USP53: variants seen among roughly 807,000 people sequenced by gnomAD.
USP53 encodes ubiquitin specific peptidase 53.
USP53 carries 71 observed loss-of-function variants against 94.9 expected under a neutral mutation model. The observed-to-expected ratio is 0.75, with a 90% confidence interval of 0.62 to 0.91. The LOEUF (loss-of-function observed/expected upper bound fraction) is 0.91, where lower values mean the gene tolerates loss of function less well. USP53 is among the 40% of genes least tolerant of loss of function. The probability of loss-of-function intolerance (pLI) is 0.00; values close to 1 mark genes in which losing one functional copy is unlikely to be tolerated. For missense variants in USP53, 1,173 were observed against 1,281.0 expected, an observed-to-expected ratio of 0.92 and a Z score of 1.29; for synonymous variants, 375 against 422.7, an observed-to-expected ratio of 0.89 and a Z score of 1.39.
chr4:119,253,341 C>T (rs1003275412), intron 7 of USP53, among the ~76,000 whole-genome samples: 10 of 151,946 alleles, frequency 6.6e-5, no homozygotes, highest in Non-Finnish European at 1.3e-4. Context: ...ATTATTATTG[C>T]GTGGGAGTCT....
At chr4:119,283,525 G>A (rs976543924) in intron 17 of USP53, among the ~76,000 whole-genome samples, 6 of 151,924 alleles carry the variant, frequency 3.9e-5, no homozygotes, top group Admixed American at 3.3e-4. Context: ...AGAAAAATTA[G>A]TTAGATGATG....
chr4:119,291,156 C>A lies in USP53; in HGVS notation c.2252-9C>A. 2 of 1,306,134 alleles carry A rather than the reference C, an allele frequency of 1.5e-6. No individual in the cohort carries two copies. Among genetic ancestry groups the A allele is most frequent in the South Asian group, 1.5e-5 (1 of 64,786 alleles). The allele number at this position is 1,306,134 out of a possible 1,614,324, so 80.9% of individuals were successfully genotyped here. A position where few individuals can be genotyped will look rare whatever the true frequency, so the allele number is the denominator to read the frequency against. The stretch of plus-strand genomic sequence containing the variant: ...CCTCATCTCTTCTCCCCACCCCACC[C>A]AACCCTAGGCTTTAGAAAAGAACTC... On this transcript the variant is annotated splice_polypyrimidine_tract_variant and intron_variant, in intron 17 of 18. Coordinates refer to ENST00000692078, the MANE Select transcript of USP53 (RefSeq NM_001371395.1).
chr4:119,249,035 C>T (rs1451006476), intron 7 of USP53, among the ~76,000 whole-genome samples, 153 bp downstream of exon 7: 1 of 152,218 alleles, frequency 6.6e-6, no homozygotes, highest in African/African-American at 2.4e-5. Flanking sequence ...CTTCAAGCCT[C>T]AACTTCAATC....
intron 9 of USP53, among the ~76,000 whole-genome samples, chr4:119,256,907 G>T (rs1315545595): frequency 1.3e-5 from 2 of 152,086 alleles, no homozygotes; most frequent in Non-Finnish European, 1.5e-5. Flanking sequence ...TCCCTTTCTG[G>T]TGATAAAAGC....
rs1748588890 is a variant in USP53, at chr4:119,248,817, G to A, written c.307G>A (p.Ala103Thr). ...LPSDNIRHAL[A>T]ESFKDEQRFQ... ...CTCAGATAACATAAGGCATGCTCTT[G>A]CAGAAAGTTTCAAAGATGAGCAGCG... is the stretch of plus-strand genomic sequence containing the variant. The change falls in exon 7 of 19, where the codon GCA (alanine) becomes ACA (threonine). Residue 103 changes from alanine (A) to threonine (T), a missense_variant. Coordinates refer to ENST00000692078, the MANE Select transcript of USP53 (RefSeq NM_001371395.1). 1 of 1,614,108 alleles carries A rather than the reference G, an allele frequency of 6.2e-7. No homozygotes were observed. The highest frequency in any genetic ancestry group is 8.5e-7 in the Non-Finnish European group (1 of 1,180,014).
chr4:119,255,306 T>G (rs1402496115), intron 7 of USP53, among the ~76,000 whole-genome samples: 2 of 152,186 alleles, frequency 1.3e-5, no homozygotes, highest in Non-Finnish European at 2.9e-5. Context: ...GTCTGCTGCC[T>G]TTTGTTCAGA....
chr4:119,215,785 T>C (rs917110742), intron 2 of USP53, among the ~76,000 whole-genome samples: 9 of 152,068 alleles, frequency 5.9e-5, no homozygotes, highest in African/African-American at 2.2e-4. Context: ...TTCAGAAGAG[T>C]TGCTTCATAT....
intron 15 of USP53, 39 bp from the exon 16 acceptor site, chr4:119,271,257 A>G: frequency 6.6e-7 from 1 of 1,520,628 alleles, no homozygotes; most frequent in Non-Finnish European, 8.8e-7. Context: ...GGTGGCTCTG[A>G]GGAGTAATTC....
intron 5 of USP53, among the ~76,000 whole-genome samples, chr4:119,240,158 A>G (rs551470330): frequency 6.6e-6 from 1 of 152,280 alleles, no homozygotes; most frequent in Admixed American, 6.5e-5. Flanking sequence ...TTAGTAAATT[A>G]AGGACATTTT....
chr4:119,255,462 C>T (rs897912605), intron 7 of USP53, among the ~76,000 whole-genome samples: 2 of 152,194 alleles, frequency 1.3e-5, no homozygotes, highest in African/African-American at 2.4e-5. Context: ...GGGCAGACAC[C>T]CCTCCCCTCA....
intron 1 of USP53, among the ~76,000 whole-genome samples, chr4:119,213,427 C>T (rs1425376247): frequency 6.6e-6 from 1 of 151,722 alleles, no homozygotes; most frequent in Non-Finnish European, 1.5e-5. Context: ...TTCTAAAGGG[C>T]GGCTTACGGG....
Position 119,229,570 on chromosome 4 carries a change from C to A in USP53, c.-664-5720C>A, listed in dbSNP as rs1745777489. ...TATAACAGTCCTACTACCATTCACT[C>A]TAGAAACCTGGGAACTTTCTTTACT... On this transcript the variant is annotated intron_variant, in intron 3 of 18. Transcript: ENST00000692078. Among the ~76,000 whole-genome samples the A allele has an allele frequency of 2.6e-5, 4 of 152,294 alleles. 1 individual carries two copies. The South Asian group carries it at 8.3e-4, about 32-fold the overall frequency.
intron 4 of USP53, among the ~76,000 whole-genome samples, chr4:119,236,681 A>T (rs758311095): frequency 2.6e-5 from 4 of 152,220 alleles, no homozygotes; most frequent in Non-Finnish European, 5.9e-5. Context: ...TTCAAGTTTT[A>T]TCATGAGATT....
intron 12 of USP53, among the ~76,000 whole-genome samples, chr4:119,262,260 C>T (rs2149390851): frequency 6.6e-6 from 1 of 152,188 alleles, no homozygotes; most frequent in Middle Eastern, 3.4e-3. Context: ...TTTATTATGA[C>T]AATTTTTTTC....
intron 12 of USP53, among the ~76,000 whole-genome samples, chr4:119,262,608 C>A (rs1750645795): frequency 6.6e-6 from 1 of 152,152 alleles, no homozygotes; most frequent in Admixed American, 6.5e-5. Context: ...TCATAAAGGT[C>A]TTCATCCTTG....
In USP53 at chr4:119,293,006, A is replaced by AT; in HGVS notation, c.3021dup (p.Gln1008SerfsTer8). 1 of 1,614,006 alleles carries AT rather than the reference A, an allele frequency of 6.2e-7. No individual in the cohort carries two copies. Among genetic ancestry groups the AT allele is most frequent in the African/African-American group, 1.3e-5 (1 of 75,008 alleles). ...TGTCCATCCAGCTCCTCAACTAACGATTTTCAGGCAAACTCAGGTGCCATT... is the reference window on the plus strand; with the variant it reads ...TGTCCATCCAGCTCCTCAACTAACGATTTTTCAGGCAAACTCAGGTGCCATT... On this transcript the variant is annotated frameshift_variant, in exon 19 of 19. Coordinates refer to ENST00000692078, the MANE Select transcript of USP53 (RefSeq NM_001371395.1). LOFTEE classifies it high-confidence loss of function.
intron 17 of USP53, among the ~76,000 whole-genome samples, chr4:119,284,035 G>C (rs1005757922): frequency 1.3e-5 from 2 of 151,848 alleles, no homozygotes; most frequent in African/African-American, 4.8e-5. Context: ...GAATGAGAAG[G>C]GGGAGCTGGA....
chr4:119,286,957 T>C (rs1232837642), intron 17 of USP53, among the ~76,000 whole-genome samples: 1 of 152,038 alleles, frequency 6.6e-6, no homozygotes, highest in Non-Finnish European at 1.5e-5. Context: ...AGAGAGACTC[T>C]GGGATAAATT....
intron 17 of USP53, among the ~76,000 whole-genome samples, chr4:119,278,334 G>C (rs1395703422): frequency 6.6e-6 from 1 of 151,832 alleles, no homozygotes; most frequent in Non-Finnish European, 1.5e-5. Context: ...TGTCTGTGAA[G>C]TATTTTATTT....
Sources: gnomAD v4.1 joint callset for allele counts (sites outside exome capture counted in the v4.1 genomes callset) on GRCh38, gnomAD v4.1.1 for gene constraint, MANE v1.5 for transcripts, NCBI Gene and HGNC (gene_info 2026-07-23, HGNC 2026-07-21) for gene names.